The following ACAN variants were observed in gnomAD, a reference collection of about 807,000 sequenced individuals.
The protein encoded by ACAN is aggrecan, also known as aggrecan core protein.
In ACAN, 47 loss-of-function variants were observed where a neutral mutation model predicts 169.1. That is an observed-to-expected ratio of 0.28 (90% CI 0.22 to 0.35). The LOEUF is 0.35. Among genes scored for constraint, ACAN ranks in the 10% least tolerant of loss-of-function variants. The pLI is 1.00. For missense variants in ACAN, 2,716 were observed against 2,759.9 expected (o/e 0.98, Z 0.36); for synonymous variants, 1,115 against 1,112.2 (o/e 1.00, Z -0.05).
chr15:88,867,277 A>T (rs1275128061), intron 13 of ACAN, among the ~76,000 whole-genome samples: 2 of 152,224 alleles, frequency 1.3e-5, no homozygotes, highest in East Asian at 3.8e-4. Context: ...AAGTTTGATC[A>T]GAAAGGATAT....
In ACAN at chr15:88,874,518, A is replaced by G. The variant is rs1411975090; in HGVS notation, c.*37A>G. On this transcript the variant is annotated 3_prime_UTR_variant, in exon 19 of 19. Coordinates refer to ENST00000560601, the MANE Select transcript of ACAN (RefSeq NM_001369268.1). The surrounding 1 kb of genome is among the most constrained non-coding windows in gnomAD (Gnocchi z 7.3). ...AGGACGCACCCAGGACGCTGAGCCC[A>G]GGAGCCTGCCAGGCTGACGTGCATC... The G allele has an allele frequency of 6.5e-7, 1 of 1,550,086 alleles. No homozygotes were observed.
chr15:88,834,158 G>A (rs1413144485), intron 1 of ACAN, among the ~76,000 whole-genome samples: 2 of 152,154 alleles, frequency 1.3e-5, no homozygotes, highest in Non-Finnish European at 2.9e-5. Context: ...AATCCCTAAG[G>A]AGACACAGGG....
chr15:88,823,420 T>G (rs1454771558), intron 1 of ACAN, among the ~76,000 whole-genome samples: 1 of 151,990 alleles, frequency 6.6e-6, no homozygotes, highest in Non-Finnish European at 1.5e-5. Flanking sequence ...GTGGTTTTTT[T>G]TTTTCTTGTT....
Position 88,843,266 on chromosome 15 carries a change from A to C in ACAN, c.758-89A>C, listed in dbSNP as rs527629530. On this transcript the variant is annotated intron_variant, in intron 5 of 18. Transcript: ENST00000560601. This position sits in a 1 kb window ranked among gnomAD's most constrained non-coding sequence, Gnocchi z 4.0. Reference sequence around the variant, plus strand: ...TTTGGGAAGTTAAAGGACTCCCAAGACCTCGTGGAAAAGTGTGGATCTCTC... The same window carrying C: ...TTTGGGAAGTTAAAGGACTCCCAAGCCCTCGTGGAAAAGTGTGGATCTCTC... 7.8e-7 allele frequency: 1 copy of C among 1,282,444 alleles called. No individual in the cohort carries two copies. The highest frequency in any genetic ancestry group is 1.9e-5 in the South Asian group (1 of 53,608). The allele number at this position is 1,282,444 out of a possible 1,614,324, so 79.4% of individuals were successfully genotyped here.
In ACAN at chr15:88,873,194, C is replaced by T. The variant is rs950178867; in HGVS notation, c.7447+169C>T. ...CTGACCTAGGGGTCCCTCCTAGCAC[C>T]GGCATCCCAGGGCCAATGGCAAGGG... On this transcript the variant is annotated intron_variant, in intron 17 of 18. Transcript: ENST00000560601. The surrounding 1 kb of genome is among the most constrained non-coding windows in gnomAD (Gnocchi z 7.5). 8.5e-5 allele frequency among the ~76,000 whole-genome samples: 13 copies of T among 152,148 alleles called. No individual in the cohort carries two copies. The highest frequency in any genetic ancestry group is 1.5e-4 in the Non-Finnish European group (10 of 68,014).
At chr15:88,860,482 G>A (rs1897173116) in intron 13 of ACAN, 43 bp downstream of exon 13, 2 of 1,554,138 alleles carry the variant, frequency 1.3e-6, no homozygotes, top group South Asian at 1.1e-5. Context: ...CGGAGGCGCT[G>A]GACAGACTTC....
chr15:88,828,245 G>T (rs916751924), intron 1 of ACAN, among the ~76,000 whole-genome samples: 1 of 152,234 alleles, frequency 6.6e-6, no homozygotes, highest in African/African-American at 2.4e-5. Context: ...AGCAAAAGAA[G>T]GGAGTGAAAG....
At position 88,845,674 on chromosome 15, in the gene ACAN, C is replaced by T. The variant is rs16942341; in HGVS notation, c.1221C>T (p.Val407=). The T allele has an allele frequency of 0.036, 58,300 of 1,614,024 alleles. 1,858 individuals are homozygous for T. The highest frequency in any genetic ancestry group is 0.15 in the African/African-American group (11,155 of 75,044). Residue 407 remains valine, a synonymous_variant, in exon 7 of 19, where the codon GTC becomes GTT. Coordinates refer to ENST00000560601, the MANE Select transcript of ACAN (RefSeq NM_001369268.1). ...VILTVKPIFE[V]SPSPLEPEEP... ...TTACCGTAAAGCCCATCTTCGAGGT[C>T]TCCCCCAGTCCCCTGGAACCCGAGG... is the stretch of plus-strand genomic sequence containing the variant.
intron 1 of ACAN, among the ~76,000 whole-genome samples, chr15:88,818,731 G>A (rs2141510478): frequency 6.6e-6 from 1 of 152,270 alleles, no homozygotes; most frequent in East Asian, 1.9e-4. Context: ...ATTTTCAAGG[G>A]GAATTTTGAT....
At chr15:88,847,483 T>C in intron 8 of ACAN, 66 bp downstream of exon 8, 1 of 1,456,826 alleles carries the variant, frequency 6.9e-7, no homozygotes, top group Non-Finnish European at 9.2e-7. Flanking sequence ...AGCCACAGCC[T>C]GACACCGCCC....
Position 88,858,087 on chromosome 15 carries a change from C to T in ACAN, c.5502C>T (p.Thr1834=), listed in dbSNP as rs1274866185. ...CTTCTGGGATTACATTTGTGGACAC[C>T]AGTTTGGTTGAAGTGGCCCCTACTA... ...GESSGITFVD[T]SLVEVAPTTF... Residue 1834 remains threonine (T), a synonymous_variant, in exon 12 of 19, where the codon ACC becomes ACT. Coordinates refer to ENST00000560601, the MANE Select transcript of ACAN (RefSeq NM_001369268.1). This position sits in a 1 kb window ranked among gnomAD's most constrained non-coding sequence, Gnocchi z 4.0. 3 of 1,613,634 alleles carry T rather than the reference C, an allele frequency of 1.9e-6. No homozygotes were observed. Among genetic ancestry groups the T allele is most frequent in the Non-Finnish European group, 2.5e-6 (3 of 1,179,874 alleles).
At chr15:88,826,189 CA>C (rs1596121603) in intron 1 of ACAN, among the ~76,000 whole-genome samples, 2 of 152,160 alleles carry the variant, frequency 1.3e-5, no homozygotes, top group East Asian at 3.9e-4. Flanking sequence ...AGTAGGAATC[CA>C]GATATTTTTG....
intron 4 of ACAN, among the ~76,000 whole-genome samples, chr15:88,841,006 G>T (rs987601706): frequency 6.6e-6 from 1 of 152,266 alleles, no homozygotes; most frequent in African/African-American, 2.4e-5. Flanking sequence ...TTAGCCAGGC[G>T]TGGTGGTGGG....
At chr15:88,836,119 T>G in intron 1 of ACAN, 81 bp from the exon 2 acceptor site, 3 of 982,224 alleles carry the variant, frequency 3.1e-6, no homozygotes, top group Non-Finnish European at 4.8e-6. Flanking sequence ...AATTATCACT[T>G]TGCATCATAT....
rs761543122 is a variant in ACAN at position 88,871,442 on chromosome 15, C to T, written c.7121C>T (p.Pro2374Leu). Residue 2374 changes from proline to leucine, a missense_variant, in exon 15 of 19, where the codon CCG becomes CTG. By Grantham distance (98) the Pro-to-Leu change is moderately conservative. Transcript: ENST00000560601. The surrounding 1 kb of genome is among the most constrained non-coding windows in gnomAD (Gnocchi z 7.8). ...KYQGHCYRHF[P>L]DRETWVDAER... Reference sequence around the variant, plus strand: ...CAGGGCCACTGTTACCGCCACTTCCCGGACCGCGAGACCTGGGTGGATGCT... The same window carrying T: ...CAGGGCCACTGTTACCGCCACTTCCTGGACCGCGAGACCTGGGTGGATGCT... The T allele has an allele frequency of 1.4e-5, 23 of 1,613,948 alleles. No individual in the cohort carries two copies. Among genetic ancestry groups the T allele is most frequent in the South Asian group, 4.4e-5 (4 of 91,078 alleles).
At chr15:88,815,673 A>G (rs1895924243) in intron 1 of ACAN, among the ~76,000 whole-genome samples, 1 of 150,808 alleles carries the variant, frequency 6.6e-6, no homozygotes, top group Admixed American at 6.6e-5. Flanking sequence ...AAAAAAAAAA[A>G]AAAAAAAGAA....
chr15:88,857,700 A>G lies in ACAN; in HGVS notation c.5115A>G (p.Arg1705=). ...LPSSELDISG[R]ASGLPSGTEL... Reference sequence around the variant, plus strand: ...CCAGTGAGCTGGACATTAGTGGGAGAGCTAGTGGACTCCCTTCAGGAACTG... The same window carrying G: ...CCAGTGAGCTGGACATTAGTGGGAGGGCTAGTGGACTCCCTTCAGGAACTG... Residue 1705 remains arginine (R), a synonymous_variant, in exon 12 of 19, where the codon AGA becomes AGG. Transcript: ENST00000560601. The G allele has an allele frequency of 6.2e-7, 1 of 1,613,946 alleles. No individual in the cohort carries two copies. The highest frequency in any genetic ancestry group is 8.5e-7 in the Non-Finnish European group (1 of 1,179,884).
Position 88,860,399 on chromosome 15 carries a change from CCTGTGCCCCCCTGGCTACA to C in ACAN, c.6910_6928del (p.Cys2304AlafsTer6). 6.2e-7 allele frequency: 1 copy of C among 1,613,606 alleles called. No homozygotes were observed. The highest frequency in any genetic ancestry group is 8.5e-7 in the Non-Finnish European group (1 of 1,179,790). ...AGGAGACAGAGGGACACGTCATATGCCTGTGCCCCCCTGGCTACACTGGCGAGCACTGTAACATAGGTAA... is the reference window on the plus strand; with the variant it reads ...AGGAGACAGAGGGACACGTCATATGCCTGGCGAGCACTGTAACATAGGTAA... On this transcript the variant is annotated frameshift_variant, in exon 13 of 19. Coordinates refer to ENST00000560601, the MANE Select transcript of ACAN (RefSeq NM_001369268.1). LOFTEE classifies it high-confidence loss of function.
intron 4 of ACAN, 54 bp from the exon 5 acceptor site, chr15:88,841,686 A>T: frequency 6.2e-7 from 1 of 1,608,866 alleles, no homozygotes; most frequent in Non-Finnish European, 8.5e-7. Flanking sequence ...GGCAGAGGCC[A>T]TGGGCTTCCC....
Sources: allele counts gnomAD v4.1 joint callset (sites outside exome capture counted in the v4.1 genomes callset), GRCh38; gene constraint gnomAD v4.1.1; non-coding constraint Gnocchi (gnomAD v3.1); transcripts MANE v1.5; gene names NCBI Gene and HGNC (gene_info 2026-07-23, HGNC 2026-07-21).